PREP: variants seen among roughly 807,000 people sequenced by gnomAD.
The protein encoded by PREP is dJ355L5.1 (prolyl endopeptidase).
PREP carries 29 observed loss-of-function variants against 87.6 expected under a neutral mutation model. The observed-to-expected ratio is 0.33, with a 90% CI of 0.25 to 0.45. PREP has a LOEUF of 0.45. Among genes scored for constraint, PREP ranks in the 20% least tolerant of loss-of-function variants. PREP has a pLI of 1.00. For synonymous variants in PREP, 337 were observed against 328.6 expected (o/e 1.03, Z -0.28); for missense variants, 695 against 886.5 (o/e 0.78, Z 2.74).
chr6:105,287,059 AG>A (rs1302904040), intron 11 of PREP, among the ~76,000 whole-genome samples: 1 of 151,898 alleles, frequency 6.6e-6, no homozygotes. Flanking sequence ...GAGTGATATA[AG>A]GATTAGGTTA....
intron 5 of PREP, among the ~76,000 whole-genome samples, chr6:105,369,538 C>T (rs988646430): frequency 6.6e-6 from 1 of 152,186 alleles, no homozygotes; most frequent in Non-Finnish European, 1.5e-5. Flanking sequence ...GGAGGACTGG[C>T]ACCTAACCTC....
chr6:105,386,990 A>T (rs1238526382), intron 2 of PREP, among the ~76,000 whole-genome samples: 1 of 152,220 alleles, frequency 6.6e-6, no homozygotes, highest in Non-Finnish European at 1.5e-5. Context: ...AGGTGGGCGG[A>T]TCACTTGAGG....
rs1562182318 is a variant in PREP at position 105,274,948 on chromosome 6, C to T, written c.*3196G>A. Among the ~76,000 whole-genome samples, 1 of 152,176 alleles carries T rather than the reference C, an allele frequency of 6.6e-6. No individual in the cohort carries two copies. The highest frequency in any genetic ancestry group is 1.5e-5 in the Non-Finnish European group (1 of 68,028). On this transcript the variant is annotated 3_prime_UTR_variant, in exon 15 of 15. Coordinates refer to ENST00000652536, the MANE Select transcript of PREP (RefSeq NM_002726.5). ...CTTGCAGCGGGTGGCACAGGGTAAA[C>T]ATGAGCAAGATAATTTACCATCTGT...
intron 10 of PREP, among the ~76,000 whole-genome samples, chr6:105,314,792 A>G (rs779642431): frequency 2.0e-5 from 3 of 152,076 alleles, no homozygotes; most frequent in Non-Finnish European, 2.9e-5. Context: ...AATGTTCCTC[A>G]TGGCATCTAG....
chr6:105,401,432 A>G (rs896058213), intron 1 of PREP, among the ~76,000 whole-genome samples: 5 of 152,244 alleles, frequency 3.3e-5, no homozygotes, highest in African/African-American at 4.8e-5. Context: ...TGCAGAAGCA[A>G]GTAAGCCCTA....
intron 7 of PREP, among the ~76,000 whole-genome samples, chr6:105,338,031 C>T (rs1483075302): frequency 3.9e-5 from 6 of 152,060 alleles, no homozygotes; most frequent in Non-Finnish European, 1.5e-5. Context: ...AAAAGAAAAA[C>T]AATTTAAGTA....
intron 10 of PREP, among the ~76,000 whole-genome samples, chr6:105,312,442 AATG>A: frequency 6.6e-6 from 1 of 152,326 alleles, no homozygotes; most frequent in East Asian, 1.9e-4. Flanking sequence ...AACCAACATA[AATG>A]ATGAAGCTTT....
chr6:105,398,382 T>C (rs1773340727), intron 1 of PREP, among the ~76,000 whole-genome samples: 1 of 152,200 alleles, frequency 6.6e-6, no homozygotes, highest in Admixed American at 6.5e-5. Flanking sequence ...CTCCCTGCAA[T>C]ATAGCCCAGG....
At chr6:105,369,085 C>T (rs2114703696) in intron 5 of PREP, 61 bp from the exon 6 acceptor site, 5 of 1,571,992 alleles carry the variant, frequency 3.2e-6, no homozygotes, top group Non-Finnish European at 3.5e-6. Context: ...ATCAATTCCA[C>T]CCATATTGCA....
Sources: gnomAD v4.1 joint callset for allele counts (sites outside exome capture counted in the v4.1 genomes callset) on GRCh38, gnomAD v4.1.1 for gene constraint, MANE v1.5 for transcripts, NCBI Gene and HGNC (gene_info 2026-07-23, HGNC 2026-07-21) for gene names.